Variants in B3GAT1 observed in about 807,000 individuals in gnomAD.
The protein encoded by B3GAT1 is galactosylgalactosylxylosylprotein 3-beta-glucuronosyltransferase 1.
Under a neutral mutation model 28.4 loss-of-function variants are expected in B3GAT1, and 11 were observed. The observed-to-expected ratio is 0.39, with a 90% confidence interval of 0.24 to 0.64. The LOEUF (loss-of-function observed/expected upper bound fraction) is 0.64. B3GAT1 is among the 30% of genes least tolerant of loss of function. B3GAT1 has a pLI of 0.50. For missense variants in B3GAT1, 375 were observed against 491.0 expected (o/e 0.76, Z 2.23); for synonymous variants, 255 against 223.1 (o/e 1.14, Z -1.27).
intron 4 of B3GAT1, among the ~76,000 whole-genome samples, chr11:134,382,486 G>A (rs1001201324): frequency 3.9e-5 from 6 of 152,246 alleles, no homozygotes; most frequent in South Asian, 2.1e-4. Flanking sequence ...GCTGGAGCAC[G>A]GCTGTTCTGT....
chr11:134,401,373 C>T (rs1944609949), intron 1 of B3GAT1, among the ~76,000 whole-genome samples: 1 of 152,220 alleles, frequency 6.6e-6, no homozygotes, highest in Non-Finnish European at 1.5e-5. Context: ...ACGTGGTACA[C>T]ATACACCATG....
chr11:134,396,126 G>C (rs2136324751), intron 1 of B3GAT1, among the ~76,000 whole-genome samples: 1 of 152,360 alleles, frequency 6.6e-6, no homozygotes. Flanking sequence ...ATCTTACAGA[G>C]CACAGTGTAA....
At chr11:134,396,768 C>T (rs1018670406) in intron 1 of B3GAT1, among the ~76,000 whole-genome samples, 64 of 152,292 alleles carry the variant, frequency 4.2e-4, no homozygotes, top group African/African-American at 1.4e-3. Context: ...AACCAAACTC[C>T]GGGCTGCTTG....
At chr11:134,382,586 G>A in intron 4 of B3GAT1, 124 bp downstream of exon 4, 1 of 1,203,876 alleles carries the variant, frequency 8.3e-7, no homozygotes, top group Non-Finnish European at 1.1e-6. Flanking sequence ...CTGCCTTCCT[G>A]GGAGGGGGTT....
At chr11:134,408,542 T>C (rs1376677874) in intron 1 of B3GAT1, among the ~76,000 whole-genome samples, 1 of 47,512 alleles carries the variant, frequency 2.1e-5, no homozygotes, top group African/African-American at 1.4e-4. Flanking sequence ...AGGAGGGAGG[T>C]GGGATAGCCT....
At chr11:134,403,286 G>A (rs974873986) in intron 1 of B3GAT1, among the ~76,000 whole-genome samples, 9 of 152,140 alleles carry the variant, frequency 5.9e-5, no homozygotes, top group Non-Finnish European at 1.2e-4. Context: ...GTCCCGGGAA[G>A]GCAGCAGGGA....
intron 2 of B3GAT1, 179 bp from the exon 3 acceptor site, chr11:134,384,367 C>T: frequency 2.5e-6 from 2 of 789,870 alleles, no homozygotes; most frequent in South Asian, 3.9e-5. Context: ...CCCTGGAATC[C>T]TCTCTGGGAG....
At chr11:134,405,096 G>T (rs1045792768) in intron 1 of B3GAT1, among the ~76,000 whole-genome samples, 41 of 151,924 alleles carry the variant, frequency 2.7e-4, no homozygotes, top group Non-Finnish European at 2.2e-4. Context: ...AAGCAGGGCT[G>T]GGGGGGTGAC....
chr11:134,399,780 G>A (rs1342547816), intron 1 of B3GAT1, among the ~76,000 whole-genome samples: 3 of 152,204 alleles, frequency 2.0e-5, no homozygotes, highest in African/African-American at 7.2e-5. Context: ...GGCTGGATGA[G>A]TGTGTCCATC....
At chr11:134,405,159 T>G (rs1028970913) in intron 1 of B3GAT1, among the ~76,000 whole-genome samples, 1 of 151,882 alleles carries the variant, frequency 6.6e-6, no homozygotes, top group African/African-American at 2.4e-5. Context: ...GGGGTGGCAT[T>G]TGCCACAGCC....
In B3GAT1 at chr11:134,380,501, G is replaced by A. The variant is rs1310205164; in HGVS notation, c.*261C>T. On this transcript the variant is annotated 3_prime_UTR_variant, in exon 6 of 6. Transcript: ENST00000312527. ...GTGCGCTGGAGCACCAGCTTGGCTG[G>A]TGCTGGACACCCCACCCTGGCCATC... The A allele has an allele frequency of 6.5e-6, 1 of 152,688 alleles. No homozygotes were observed. Among genetic ancestry groups the A allele is most frequent in the African/African-American group, 2.4e-5 (1 of 41,454 alleles). The allele number at this position is 152,688 out of a possible 1,614,324, so 9.5% of individuals were successfully genotyped here.
intron 1 of B3GAT1, among the ~76,000 whole-genome samples, chr11:134,404,130 A>G (rs1186770470): frequency 6.6e-6 from 1 of 150,798 alleles, no homozygotes. Flanking sequence ...TTAACTCATC[A>G]TTTAGCATTA....
chr11:134,405,945 TGGCCTCCGGCTTG>T (rs1262520936), intron 1 of B3GAT1, among the ~76,000 whole-genome samples: 22 of 152,246 alleles, frequency 1.4e-4, no homozygotes, highest in Admixed American at 2.6e-4. Context: ...TCCCTCCCTC[TGGCCTCCGGCTTG>T]GGTCGCTCTG....
intron 1 of B3GAT1, among the ~76,000 whole-genome samples, chr11:134,404,173 C>T (rs1015021911): frequency 6.6e-6 from 1 of 151,676 alleles, no homozygotes; most frequent in African/African-American, 2.4e-5. Context: ...CTCCCCTCTC[C>T]CGCTATCCCA....
At chr11:134,391,983 CGGGGACCT>C (rs1944419899) in intron 1 of B3GAT1, 1 of 152,254 alleles carries the variant, frequency 6.6e-6, no homozygotes. Context: ...AGGTGCTCCA[CGGGGACCT>C]GGGTCATGCT....
intron 1 of B3GAT1, among the ~76,000 whole-genome samples, chr11:134,392,505 G>A (rs1157706636): frequency 6.6e-6 from 1 of 152,102 alleles, no homozygotes; most frequent in Non-Finnish European, 1.5e-5. Context: ...AAGTAGCTGG[G>A]ACCACAGGTA....
At chr11:134,394,176 A>G (rs1261836613) in intron 1 of B3GAT1, among the ~76,000 whole-genome samples, 1 of 152,166 alleles carries the variant, frequency 6.6e-6, no homozygotes, top group Non-Finnish European at 1.5e-5. Flanking sequence ...CCGACTGCAG[A>G]GGGCTGGGGA....
intron 1 of B3GAT1, among the ~76,000 whole-genome samples, chr11:134,392,841 G>T (rs889710898): frequency 2.6e-5 from 4 of 152,206 alleles, no homozygotes; most frequent in Non-Finnish European, 4.4e-5. Flanking sequence ...GCATGGAAAG[G>T]TTTTCTTCTG....
In B3GAT1 at chr11:134,387,945, AAG is replaced by A; in HGVS notation, c.-281-7_-281-6del. The A allele has an allele frequency of 8.0e-7, 1 of 1,256,612 alleles. No individual in the cohort carries two copies. The highest frequency in any genetic ancestry group is 1.1e-6 in the Non-Finnish European group (1 of 916,396). The allele number at this position is 1,256,612 out of a possible 1,614,324, so 77.8% of individuals were successfully genotyped here. ...GGAACCCTGGGGGGTGGACACCTGCAAGAGAGAGCAGAAGCGGATAGCCAGAG... is the reference window on the plus strand; with the variant it reads ...GGAACCCTGGGGGGTGGACACCTGCAAGAGAGCAGAAGCGGATAGCCAGAG... On this transcript the variant is annotated splice_region_variant and splice_polypyrimidine_tract_variant and intron_variant, in intron 1 of 5. Transcript: ENST00000312527.
Sources: allele counts gnomAD v4.1 joint callset (sites outside exome capture counted in the v4.1 genomes callset), GRCh38; gene constraint gnomAD v4.1.1; transcripts MANE v1.5; gene names NCBI Gene and HGNC (gene_info 2026-07-23, HGNC 2026-07-21).